GRID2: variants seen among roughly 807,000 people sequenced by gnomAD.
GRID2 encodes the protein glutamate ionotropic receptor delta type subunit 2.
In GRID2, 33 loss-of-function variants were observed where a neutral mutation model predicts 114.8. The ratio of observed to expected loss-of-function variants is 0.29; its 90% CI spans 0.22 to 0.38. The LOEUF (loss-of-function observed/expected upper bound fraction) is 0.38. GRID2 is among the 10% of genes least tolerant of loss of function. GRID2 has a pLI of 1.00. For synonymous variants in GRID2, 505 were observed against 449.9 expected (o/e 1.12, Z -1.55); for missense variants, 1,184 against 1,257.7 (o/e 0.94, Z 0.89).
At chr4:93,682,316 C>G (rs937842336) in intron 14 of GRID2, among the ~76,000 whole-genome samples, 5 of 150,612 alleles carry the variant, frequency 3.3e-5, no homozygotes, top group Non-Finnish European at 5.9e-5. Context: ...AATAGGAACA[C>G]TTTTACACTG....
chr4:93,688,280 C>T (rs1394610592), intron 14 of GRID2, among the ~76,000 whole-genome samples: 1 of 151,860 alleles, frequency 6.6e-6, no homozygotes, highest in Non-Finnish European at 1.5e-5. Context: ...ATGAGGCACT[C>T]ATCTTCAGGT....
At chr4:92,479,182 A>G (rs1320286641) in intron 1 of GRID2, among the ~76,000 whole-genome samples, 1 of 152,160 alleles carries the variant, frequency 6.6e-6, no homozygotes, top group African/African-American at 2.4e-5. Context: ...CCTTGTGTAT[A>G]ATTATGATAC....
chr4:92,571,537 T>C (rs995734054), intron 1 of GRID2, among the ~76,000 whole-genome samples: 1 of 152,178 alleles, frequency 6.6e-6, no homozygotes, highest in Non-Finnish European at 1.5e-5. Context: ...ATGGACCTAA[T>C]AGACATCTAC....
chr4:93,401,285 G>C (rs1765860740), intron 9 of GRID2, among the ~76,000 whole-genome samples: 1 of 151,866 alleles, frequency 6.6e-6, no homozygotes, highest in African/African-American at 2.4e-5. Context: ...ATATATGACT[G>C]GAAGTCTATA....
chr4:92,517,931 A>C (rs557677569), intron 1 of GRID2, among the ~76,000 whole-genome samples: 1 of 151,886 alleles, frequency 6.6e-6, no homozygotes, highest in South Asian at 2.1e-4. Flanking sequence ...AACCAAAAAA[A>C]CCCACTGTAT....
At chr4:93,018,713 A>T (rs1723002751) in intron 2 of GRID2, among the ~76,000 whole-genome samples, 1 of 152,144 alleles carries the variant, frequency 6.6e-6, no homozygotes, top group Admixed American at 6.5e-5. Context: ...AAAGTAAGTT[A>T]AAAAATCCCA....
intron 2 of GRID2, among the ~76,000 whole-genome samples, chr4:92,721,888 A>T (rs1735826090): frequency 6.6e-6 from 1 of 152,180 alleles, no homozygotes; most frequent in African/African-American, 2.4e-5. Flanking sequence ...TTTGTTCCTA[A>T]AATGAAATAA....
intron 11 of GRID2, among the ~76,000 whole-genome samples, chr4:93,459,251 A>G (rs1422673214): frequency 6.6e-6 from 1 of 151,668 alleles, no homozygotes; most frequent in East Asian, 1.9e-4. Context: ...CAATAAGATT[A>G]CAGAAAAAGA....
In GRID2 at chr4:92,939,702, T is replaced by G. The variant is rs1367565827; in HGVS notation, c.245-145293T>G. The stretch of plus-strand genomic sequence containing the variant: ...TCTAGGGTTTTTATGGTTTTAGGTC[T>G]AACATTTAAGTCTTTAATCCATCAT... On this transcript the variant is annotated intron_variant, in intron 2 of 15. Transcript: ENST00000282020. Among the ~76,000 whole-genome samples the G allele has an allele frequency of 6.1e-5, 9 of 147,518 alleles. 1 individual carries two copies. Among genetic ancestry groups the G allele is most frequent in the Middle Eastern group, 3.5e-3 (1 of 284 alleles).
chr4:93,687,516 C>A (rs761386620), intron 14 of GRID2, among the ~76,000 whole-genome samples: 1 of 151,798 alleles, frequency 6.6e-6, no homozygotes, highest in Non-Finnish European at 1.5e-5. Context: ...ACAAAGAACA[C>A]CAAAAAGTAA....
chr4:92,870,315 G>A (rs547459576), intron 2 of GRID2, among the ~76,000 whole-genome samples: 2 of 151,482 alleles, frequency 1.3e-5, no homozygotes, highest in Non-Finnish European at 2.9e-5. Flanking sequence ...CTCTCATTTA[G>A]AATGTTCATC....
intron 4 of GRID2, among the ~76,000 whole-genome samples, chr4:93,178,402 T>TC (rs1739561951): frequency 7.3e-6 from 1 of 137,900 alleles, no homozygotes; most frequent in Non-Finnish European, 1.6e-5. Flanking sequence ...TTTTTTTTTT[T>TC]TTTTTTTTCC....
chr4:92,835,188 A>G (rs1363286075), intron 2 of GRID2, among the ~76,000 whole-genome samples: 1 of 45,840 alleles, frequency 2.2e-5, no homozygotes, highest in East Asian at 3.5e-4. Context: ...CAGCTGAAAG[A>G]GGTAAAAAAA....
chr4:93,217,093 C>A (rs1384252741), intron 6 of GRID2, 182 bp downstream of exon 6: 3 of 428,748 alleles, frequency 7.0e-6, no homozygotes, highest in Non-Finnish European at 1.2e-5. Flanking sequence ...TCTTTTTGAT[C>A]TCATTATAGA....
At chr4:92,436,483 C>T (rs768965936) in intron 1 of GRID2, among the ~76,000 whole-genome samples, 140 of 151,984 alleles carry the variant, frequency 9.2e-4, no homozygotes, top group Non-Finnish European at 1.8e-3. Context: ...TTATGAAATG[C>T]TACTACTATT....
At chr4:92,506,727 T>C (rs1723992057) in intron 1 of GRID2, among the ~76,000 whole-genome samples, 1 of 151,948 alleles carries the variant, frequency 6.6e-6, no homozygotes, top group African/African-American at 2.4e-5. Flanking sequence ...TTATTAGGAA[T>C]TGGAGAATAC....
rs866591652 is a variant in GRID2 at position 93,024,478 on chromosome 4, C to A, written c.245-60517C>A. On this transcript the variant is annotated intron_variant, in intron 2 of 15. Transcript: ENST00000282020. Reference sequence around the variant, plus strand: ...TTTAAAATTTTCTTCTGAAGTTAAGCAAATTTGCCTGTAAAATGTGTACAA... The same window carrying A: ...TTTAAAATTTTCTTCTGAAGTTAAGAAAATTTGCCTGTAAAATGTGTACAA... 4.6e-5 allele frequency among the ~76,000 whole-genome samples: 7 copies of A among 151,786 alleles called. No homozygotes were observed. In the South Asian group the frequency reaches 1.2e-3, roughly 27 times the overall value.
chr4:92,411,927 T>G (rs1022707516), intron 1 of GRID2, among the ~76,000 whole-genome samples: 2 of 151,716 alleles, frequency 1.3e-5, no homozygotes, highest in African/African-American at 2.4e-5. Context: ...GGATGGTCTC[T>G]ATCTCTTGAC....
intron 2 of GRID2, among the ~76,000 whole-genome samples, chr4:92,816,675 G>C (rs1184718354): frequency 6.6e-6 from 1 of 152,024 alleles, no homozygotes; most frequent in Admixed American, 6.6e-5. Context: ...TGATTCATGT[G>C]GTCTAGATTC....
Sources: allele counts gnomAD v4.1 joint callset (sites outside exome capture counted in the v4.1 genomes callset), GRCh38; gene constraint gnomAD v4.1.1; transcripts MANE v1.5; gene names NCBI Gene and HGNC (gene_info 2026-07-23, HGNC 2026-07-21).